Variants in CSMD1 observed in about 807,000 individuals in gnomAD.
The protein encoded by CSMD1 is CUB and Sushi multiple domains 1, also known as CUB and sushi domain-containing protein 1.
CSMD1 carries 213 observed loss-of-function variants against 417.5 expected under a neutral mutation model. That is an observed-to-expected ratio of 0.51 (90% CI 0.46 to 0.57). The LOEUF is 0.57. Among genes scored for constraint, CSMD1 ranks in the 20% least tolerant of loss-of-function variants. The pLI, the probability that CSMD1 is intolerant of heterozygous loss-of-function variation, is 0.00. For missense variants in CSMD1, 6,923 were observed against 4,529.7 expected (o/e 1.53, Z -15.17); for synonymous variants, 2,862 against 1,736.8 (o/e 1.65, Z -16.11).
chr8:3,543,822 T>A (rs888093822), intron 10 of CSMD1, among the ~76,000 whole-genome samples: 2 of 151,940 alleles, frequency 1.3e-5, no homozygotes, highest in African/African-American at 2.4e-5. Flanking sequence ...ATAGGAACAT[T>A]TTGGTAGAGG....
At chr8:4,386,255 C>A (rs973007018) in intron 3 of CSMD1, among the ~76,000 whole-genome samples, 1 of 151,882 alleles carries the variant, frequency 6.6e-6, no homozygotes, top group Non-Finnish European at 1.5e-5. Context: ...CAGACATTCT[C>A]CTACCTTCCA....
chr8:4,984,710 A>G (rs1184606235), intron 1 of CSMD1, among the ~76,000 whole-genome samples: 1 of 152,196 alleles, frequency 6.6e-6, no homozygotes, highest in East Asian at 1.9e-4. Flanking sequence ...CACAAAGCAC[A>G]ACCACTTCTA....
chr8:4,918,406 C>G (rs906719821), intron 1 of CSMD1, among the ~76,000 whole-genome samples: 1 of 152,172 alleles, frequency 6.6e-6, no homozygotes, highest in Admixed American at 6.5e-5. Context: ...TCTGCCGATT[C>G]TTGCACAATA....
At chr8:4,148,012 G>C (rs944648957) in intron 3 of CSMD1, among the ~76,000 whole-genome samples, 1 of 152,076 alleles carries the variant, frequency 6.6e-6, no homozygotes, top group Non-Finnish European at 1.5e-5. Context: ...CGGGTTCCAT[G>C]ATTGTTTCCC....
At chr8:4,973,222 G>A (rs1023190775) in intron 1 of CSMD1, among the ~76,000 whole-genome samples, 11 of 151,926 alleles carry the variant, frequency 7.2e-5, no homozygotes, top group South Asian at 2.1e-4. Flanking sequence ...TCATATTATT[G>A]AGAGAAAGCA....
Position 4,351,450 on chromosome 8 carries a change from T to C in CSMD1, c.415+68503A>G, listed in dbSNP as rs1003341880. Among the ~76,000 whole-genome samples, 5 of 152,344 alleles carry C rather than the reference T, an allele frequency of 3.3e-5. No individual in the cohort carries two copies. The South Asian group carries it at 1.0e-3, about 32-fold the overall frequency. On this transcript the variant is annotated intron_variant, in intron 3 of 69. Transcript: ENST00000635120. Reference sequence around the variant, plus strand: ...AAGAAGAGTTACTTAAAATAATGTCTAAAAAGCAGAGTTCCATAGCTATTA... The same window carrying C: ...AAGAAGAGTTACTTAAAATAATGTCCAAAAAGCAGAGTTCCATAGCTATTA...
intron 52 of CSMD1, among the ~76,000 whole-genome samples, chr8:3,015,099 GA>G (rs112300846): frequency 0.085 from 12,607 of 147,662 alleles, 649 homozygotes; most frequent in African/African-American, 0.15. Context: ...GCTTCTTAAT[GA>G]AAAAAAAAAA....
intron 1 of CSMD1, among the ~76,000 whole-genome samples, chr8:4,815,356 G>A (rs753274801): frequency 6.6e-6 from 1 of 152,128 alleles, no homozygotes; most frequent in Non-Finnish European, 1.5e-5. Context: ...TGTGGACAGA[G>A]CCAGCTTGTG....
chr8:4,625,577 C>G (rs1173852852), intron 2 of CSMD1, among the ~76,000 whole-genome samples: 1 of 151,984 alleles, frequency 6.6e-6, no homozygotes, highest in Non-Finnish European at 1.5e-5. Context: ...CCTGGCTCTC[C>G]TGTATACACG....
At chr8:4,235,798 A>C (rs1563316100) in intron 3 of CSMD1, among the ~76,000 whole-genome samples, 1 of 152,140 alleles carries the variant, frequency 6.6e-6, no homozygotes, top group Non-Finnish European at 1.5e-5. Flanking sequence ...TTTCTTTGAA[A>C]CATTTGTTTT....
intron 22 of CSMD1, among the ~76,000 whole-genome samples, chr8:3,344,771 C>T (rs1231045515): frequency 6.6e-6 from 1 of 152,018 alleles, no homozygotes. Flanking sequence ...CAGGGATGTA[C>T]ACAGATATAG....
At chr8:4,174,999 C>T (rs1227243841) in intron 3 of CSMD1, among the ~76,000 whole-genome samples, 1 of 151,442 alleles carries the variant, frequency 6.6e-6, no homozygotes, top group African/African-American at 2.4e-5. Context: ...GAATTGGAAT[C>T]TCTTATCTCA....
chr8:3,630,954 G>C (rs1796754995), intron 7 of CSMD1, among the ~76,000 whole-genome samples: 1 of 152,200 alleles, frequency 6.6e-6, no homozygotes, highest in Non-Finnish European at 1.5e-5. Flanking sequence ...TCCAAGAGAT[G>C]AGACTGAAAA....
Position 4,084,745 on chromosome 8 carries a change from A to AC in CSMD1, c.416-52647dup, listed in dbSNP as rs1324432258. On this transcript the variant is annotated intron_variant, in intron 3 of 69. Coordinates refer to ENST00000635120, the MANE Select transcript of CSMD1 (RefSeq NM_033225.6). Reference sequence around the variant, plus strand: ...CCCCTCTGCTCTCTTGCCCACCCCCACCCCCCTACCCAAAGCATGTGGCTT... The same window carrying AC: ...CCCCTCTGCTCTCTTGCCCACCCCCACCCCCCCTACCCAAAGCATGTGGCTT... Among the ~76,000 whole-genome samples, 4 of 84,752 alleles carry AC rather than the reference A, an allele frequency of 4.7e-5. No individual in the cohort carries two copies. In the East Asian group the frequency reaches 1.5e-3, roughly 33 times the overall value. The allele number at this position is 84,752 out of a possible 152,430, so 55.6% of individuals were successfully genotyped here. A position where few individuals can be genotyped will look rare whatever the true frequency, so the allele number is the denominator to read the frequency against.
chr8:4,219,612 A>T (rs868759732), intron 3 of CSMD1, among the ~76,000 whole-genome samples: 3 of 152,314 alleles, frequency 2.0e-5, no homozygotes, highest in Middle Eastern at 6.8e-3. Flanking sequence ...CCAACCCAAA[A>T]AACACTATAT....
intron 10 of CSMD1, among the ~76,000 whole-genome samples, chr8:3,538,947 A>T (rs541845330): frequency 6.6e-6 from 1 of 152,146 alleles, no homozygotes; most frequent in East Asian, 1.9e-4. Flanking sequence ...GTGAGACCCC[A>T]ATGTCATCAA....
intron 23 of CSMD1, among the ~76,000 whole-genome samples, chr8:3,332,233 G>A (rs1024878310): frequency 9.9e-5 from 15 of 152,170 alleles, no homozygotes; most frequent in African/African-American, 2.2e-4. Flanking sequence ...TCCTTAAAAC[G>A]TCATCTCTAA....
At chr8:3,205,812 A>G (rs1201748961) in intron 30 of CSMD1, among the ~76,000 whole-genome samples, 192 bp from the exon 31 acceptor site, 1 of 152,222 alleles carries the variant, frequency 6.6e-6, no homozygotes, top group Non-Finnish European at 1.5e-5. Flanking sequence ...GAAGTAATCC[A>G]ACTTAGGAGA....
At chr8:4,742,436 A>C (rs575289967) in intron 1 of CSMD1, among the ~76,000 whole-genome samples, 1 of 152,164 alleles carries the variant, frequency 6.6e-6, no homozygotes, top group East Asian at 1.9e-4. Flanking sequence ...TTTTCTTATG[A>C]CTAAGATTAG....
Sources: allele counts gnomAD v4.1 joint callset (sites outside exome capture counted in the v4.1 genomes callset), GRCh38; gene constraint gnomAD v4.1.1; transcripts MANE v1.5; gene names NCBI Gene and HGNC (gene_info 2026-07-23, HGNC 2026-07-21).